GRM8: variants seen among roughly 807,000 people sequenced by gnomAD.
The protein encoded by GRM8 is metabotropic glutamate receptor 8.
GRM8 carries 47 observed loss-of-function variants against 87.2 expected under a neutral mutation model. The ratio of observed to expected loss-of-function variants is 0.54; its 90% CI spans 0.43 to 0.69. GRM8 has a LOEUF of 0.69. Among genes scored for constraint, GRM8 ranks in the 30% least tolerant of loss-of-function variants. The pLI, the probability that GRM8 is intolerant of heterozygous loss-of-function variation, is 0.00. For synonymous variants in GRM8, 396 were observed against 404.5 expected (o/e 0.98, Z 0.25); for missense variants, 1,019 against 1,139.2 (o/e 0.89, Z 1.52).
chr7:127,019,154 C>T (rs960591728), intron 3 of GRM8, among the ~76,000 whole-genome samples: 4 of 152,042 alleles, frequency 2.6e-5, no homozygotes, highest in Non-Finnish European at 5.9e-5. Flanking sequence ...TACACAAACA[C>T]ATGGGATAAT....
Position 127,216,538 on chromosome 7 carries a change from A to C in GRM8, c.510+26157T>G, listed in dbSNP as rs560649557. Reference sequence around the variant, plus strand: ...GTCTCAAAAAAAAAAAAAAAAACAAAAAAAAAAAAAGAAGAAGCTGAGGAC... The same window carrying C: ...GTCTCAAAAAAAAAAAAAAAAACAACAAAAAAAAAAGAAGAAGCTGAGGAC... On this transcript the variant is annotated intron_variant, in intron 2 of 10. Coordinates refer to ENST00000339582, the MANE Select transcript of GRM8 (RefSeq NM_000845.3). Among the ~76,000 whole-genome samples the C allele has an allele frequency of 1.1e-4, 17 of 151,184 alleles. No individual in the cohort carries two copies. The East Asian group carries it at 1.2e-3, about 10-fold the overall frequency.
At chr7:126,728,152 C>A (rs950997529) in intron 7 of GRM8, among the ~76,000 whole-genome samples, 1 of 152,230 alleles carries the variant, frequency 6.6e-6, no homozygotes, top group Non-Finnish European at 1.5e-5. Flanking sequence ...CCGCCACGCA[C>A]CCTCCCCACT....
chr7:127,106,460 C>A, intron 3 of GRM8, 36 bp downstream of exon 3: 1 of 1,538,546 alleles, frequency 6.5e-7, no homozygotes. Flanking sequence ...CAATCTGTCA[C>A]CTCCAAATAC....
At chr7:126,768,527 G>T (rs1172690686) in intron 7 of GRM8, among the ~76,000 whole-genome samples, 1 of 151,854 alleles carries the variant, frequency 6.6e-6, no homozygotes, top group African/African-American at 2.4e-5. Context: ...TCAAGGAAGG[G>T]TTAGGTTTTG....
In GRM8 at chr7:126,736,147, C is replaced by G. The variant is rs895115125; in HGVS notation, c.1357+33718G>C. On this transcript the variant is annotated intron_variant, in intron 7 of 10. Coordinates refer to ENST00000339582, the MANE Select transcript of GRM8 (RefSeq NM_000845.3). Reference sequence around the variant, plus strand: ...GCAACACCAACAGCAATTCTGTGATCTATTCCAGAACCAGGGGCCAGGAAA... The same window carrying G: ...GCAACACCAACAGCAATTCTGTGATGTATTCCAGAACCAGGGGCCAGGAAA... Among the ~76,000 whole-genome samples, 6 of 152,028 alleles carry G rather than the reference C, an allele frequency of 3.9e-5. No homozygotes were observed. In the South Asian group the frequency reaches 8.3e-4, roughly 21 times the overall value.
chr7:126,540,108 G>A (rs1160740128), intron 8 of GRM8, among the ~76,000 whole-genome samples: 1 of 151,976 alleles, frequency 6.6e-6, no homozygotes, highest in African/African-American at 2.4e-5. Flanking sequence ...AAATTCAACA[G>A]TTAAAAGACC....
chr7:127,056,953 A>G (rs1023393755), intron 3 of GRM8, among the ~76,000 whole-genome samples: 4 of 152,208 alleles, frequency 2.6e-5, no homozygotes, highest in African/African-American at 9.6e-5. Context: ...TTCACCACAG[A>G]AAATTAAATG....
intron 3 of GRM8, among the ~76,000 whole-genome samples, chr7:126,904,884 A>T (rs1802522117): frequency 6.6e-6 from 1 of 152,234 alleles, no homozygotes; most frequent in Non-Finnish European, 1.5e-5. Context: ...TTAATCAGAC[A>T]TGGGTTTCTT....
At chr7:126,874,068 A>T (rs1252651590) in intron 6 of GRM8, among the ~76,000 whole-genome samples, 1 of 152,004 alleles carries the variant, frequency 6.6e-6, no homozygotes, top group East Asian at 1.9e-4. Context: ...CATTCTTTAA[A>T]TATCATTTGT....
intron 2 of GRM8, among the ~76,000 whole-genome samples, chr7:127,216,522 AAAAAAAAAAAAAC>A (rs1373376328): frequency 3.3e-5 from 5 of 150,494 alleles, no homozygotes; most frequent in Non-Finnish European, 5.9e-5. Context: ...CGTCTCAAAA[AAAAAAAAAAAAAC>A]AAAAAAAAAA....
chr7:126,743,602 T>A (rs1815281006), intron 7 of GRM8, among the ~76,000 whole-genome samples: 3 of 152,174 alleles, frequency 2.0e-5, no homozygotes, highest in Non-Finnish European at 4.4e-5. Context: ...AATTTAGTAT[T>A]ACTTTTAAAA....
At chr7:126,775,694 G>A (rs1463025443) in intron 6 of GRM8, among the ~76,000 whole-genome samples, 1 of 151,964 alleles carries the variant, frequency 6.6e-6, no homozygotes, top group African/African-American at 2.4e-5. Flanking sequence ...CAAACTGACT[G>A]ATAGAAGCAG....
At chr7:127,080,632 G>A (rs1822755718) in intron 3 of GRM8, 1 of 143,342 alleles carries the variant, frequency 7.0e-6, no homozygotes, top group Non-Finnish European at 1.5e-5. Flanking sequence ...GAAGTCTCTG[G>A]AGGCTTTTTG....
intron 3 of GRM8, among the ~76,000 whole-genome samples, chr7:127,028,381 T>C (rs1374411151): frequency 6.6e-6 from 1 of 152,212 alleles, no homozygotes; most frequent in East Asian, 1.9e-4. Flanking sequence ...TCTTTTTCTA[T>C]TGATTGGAAT....
chr7:126,593,744 G>A (rs1796904739), intron 8 of GRM8, among the ~76,000 whole-genome samples: 1 of 151,914 alleles, frequency 6.6e-6, no homozygotes, highest in South Asian at 2.1e-4. Flanking sequence ...AAAAATAAAT[G>A]AGGGGACTAT....
chr7:126,681,195 C>A (rs563967466), intron 7 of GRM8, among the ~76,000 whole-genome samples: 2 of 152,178 alleles, frequency 1.3e-5, no homozygotes, highest in South Asian at 2.1e-4. Flanking sequence ...TCTTTCTTGC[C>A]CCATATACTG....
intron 6 of GRM8, among the ~76,000 whole-genome samples, chr7:126,844,116 A>G (rs569163184): frequency 9.8e-5 from 15 of 152,334 alleles, no homozygotes; most frequent in African/African-American, 2.4e-4. Context: ...CTGCTTGTCA[A>G]TTGGAATCTA....
intron 7 of GRM8, among the ~76,000 whole-genome samples, chr7:126,704,558 T>C (rs1236390299): frequency 6.6e-6 from 1 of 152,158 alleles, no homozygotes; most frequent in Admixed American, 6.5e-5. Flanking sequence ...TTCTCTTCTT[T>C]CAAAAGCAAA....
At chr7:126,760,794 A>G (rs1377678774) in intron 7 of GRM8, among the ~76,000 whole-genome samples, 4 of 152,204 alleles carry the variant, frequency 2.6e-5, no homozygotes, top group Non-Finnish European at 5.9e-5. Context: ...TATTTCATTT[A>G]CTAGACAAGT....
Sources: allele counts gnomAD v4.1 joint callset (sites outside exome capture counted in the v4.1 genomes callset), GRCh38; gene constraint gnomAD v4.1.1; transcripts MANE v1.5; gene names NCBI Gene and HGNC (gene_info 2026-07-23, HGNC 2026-07-21).